NCOR2: variants seen among roughly 807,000 people sequenced by gnomAD.
NCOR2 encodes nuclear receptor corepressor 2.
Under a neutral mutation model 262.9 loss-of-function variants are expected in NCOR2, and 81 were observed. The observed-to-expected ratio is 0.31, with a 90% CI of 0.26 to 0.37. The LOEUF (loss-of-function observed/expected upper bound fraction) is 0.37. Among genes scored for constraint, NCOR2 ranks in the 10% least tolerant of loss-of-function variants. The pLI, the probability that NCOR2 is intolerant of heterozygous loss-of-function variation, is 1.00. For missense variants in NCOR2, 3,385 were observed against 3,621.4 expected (o/e 0.93, Z 1.68); for synonymous variants, 1,659 against 1,559.3 (o/e 1.06, Z -1.51).
At chr12:124,333,853 T>C (rs1360194785) in intron 41 of NCOR2, among the ~76,000 whole-genome samples, 5 of 75,032 alleles carry the variant, frequency 6.7e-5, no homozygotes, top group Admixed American at 2.6e-4. Flanking sequence ...TGTGCGGGTG[T>C]GCATGTGTGT....
intron 20 of NCOR2, among the ~76,000 whole-genome samples, chr12:124,368,233 C>T (rs945290433): frequency 6.6e-6 from 1 of 152,226 alleles, no homozygotes; most frequent in Non-Finnish European, 1.5e-5. Flanking sequence ...GCCACCTTCT[C>T]CTCACTGTCA....
At chr12:124,522,103 C>G (rs2050221505) in intron 1 of NCOR2, among the ~76,000 whole-genome samples, 1 of 152,204 alleles carries the variant, frequency 6.6e-6, no homozygotes, top group African/African-American at 2.4e-5. Flanking sequence ...AAGCTGGGTC[C>G]AACTCCCAGC....
chr12:124,377,324 C>T (rs375002217), intron 18 of NCOR2, among the ~76,000 whole-genome samples: 1 of 152,156 alleles, frequency 6.6e-6, no homozygotes, highest in African/African-American at 2.4e-5. Context: ...CTCCGTGGTA[C>T]CTGGGGCGCC....
intron 6 of NCOR2, among the ~76,000 whole-genome samples, chr12:124,456,272 G>A (rs1223534390): frequency 1.3e-5 from 2 of 152,224 alleles, no homozygotes; most frequent in Non-Finnish European, 1.5e-5. Flanking sequence ...ACACATGTGG[G>A]TAGCATATAC....
chr12:124,449,788 T>C (rs1471629939), intron 7 of NCOR2, 27 bp downstream of exon 9: 20 of 1,613,184 alleles, frequency 1.2e-5, no homozygotes, highest in Non-Finnish European at 1.7e-5. Flanking sequence ...CCTCTGTGTG[T>C]CTGCACGGCT....
At chr12:124,433,196 C>T (rs1327865075) in intron 8 of NCOR2, among the ~76,000 whole-genome samples, 1 of 152,190 alleles carries the variant, frequency 6.6e-6, no homozygotes, top group Non-Finnish European at 1.5e-5. Flanking sequence ...GTGCCAGGAA[C>T]GCGCTGGAGA....
chr12:124,408,927 T>A (rs932758769), intron 13 of NCOR2, among the ~76,000 whole-genome samples: 8 of 152,122 alleles, frequency 5.3e-5, no homozygotes, highest in Non-Finnish European at 1.0e-4. Flanking sequence ...GCTAGGGGCA[T>A]CTTTCCCCAG....
chr12:124,512,033 T>G (rs924778607), intron 1 of NCOR2, among the ~76,000 whole-genome samples: 1 of 152,224 alleles, frequency 6.6e-6, no homozygotes, highest in African/African-American at 2.4e-5. Context: ...TTGATCCTCC[T>G]GCCTCAGCGT....
At chr12:124,555,291 G>GC (rs1431771906) in intron 1 of NCOR2, among the ~76,000 whole-genome samples, 3 of 152,130 alleles carry the variant, frequency 2.0e-5, no homozygotes, top group African/African-American at 7.2e-5. Flanking sequence ...ACACCAGACA[G>GC]CAACGCTGGG....
intron 1 of NCOR2, among the ~76,000 whole-genome samples, chr12:124,528,962 C>T (rs2050629996): frequency 1.3e-5 from 2 of 152,136 alleles, no homozygotes; most frequent in Admixed American, 1.3e-4. Flanking sequence ...GGCAGATCAC[C>T]TGAGGTCGGG....
intron 3 of NCOR2, among the ~76,000 whole-genome samples, chr12:124,477,459 C>A (rs1011505259): frequency 3.9e-5 from 6 of 152,186 alleles, no homozygotes; most frequent in Non-Finnish European, 8.8e-5. Context: ...TCTTTATTAG[C>A]GGTGTAAGAA....
intron 18 of NCOR2, among the ~76,000 whole-genome samples, chr12:124,376,684 C>T (rs2040026299): frequency 6.6e-6 from 1 of 152,204 alleles, no homozygotes; most frequent in Non-Finnish European, 1.5e-5. Flanking sequence ...GGGATTCGGG[C>T]TGGTGAAACC....
intron 43 of NCOR2, chr12:124,332,092 C>T: frequency 1.8e-6 from 1 of 564,852 alleles, no homozygotes; most frequent in Non-Finnish European, 3.1e-6. Context: ...GTGCTGGGTG[C>T]TATTCTTCTG....
chr12:124,509,418 G>A (rs2049265571), intron 1 of NCOR2, among the ~76,000 whole-genome samples: 1 of 152,244 alleles, frequency 6.6e-6, no homozygotes, highest in East Asian at 1.9e-4. Flanking sequence ...TGTGCCTGAA[G>A]CTTCTCTGAG....
intron 20 of NCOR2, among the ~76,000 whole-genome samples, chr12:124,368,412 C>T (rs2039211590): frequency 1.3e-5 from 2 of 152,170 alleles, no homozygotes; most frequent in Non-Finnish European, 2.9e-5. Flanking sequence ...TCCTTGCCAC[C>T]ATCCTAGGGC....
At chr12:124,524,936 ACGT>A (rs1446266311) in intron 1 of NCOR2, among the ~76,000 whole-genome samples, 9 of 152,238 alleles carry the variant, frequency 5.9e-5, no homozygotes, top group Non-Finnish European at 8.8e-5. Flanking sequence ...CATCCCAGTG[ACGT>A]ACATGAGTCC....
chr12:124,338,015 G>A (rs1204019793), intron 37 of NCOR2, among the ~76,000 whole-genome samples: 1 of 152,260 alleles, frequency 6.6e-6, no homozygotes, highest in Non-Finnish European at 1.5e-5. Context: ...GCTCCCCACA[G>A]CCAGGGATTA....
chr12:124,530,761 C>A (rs755545194), intron 1 of NCOR2, among the ~76,000 whole-genome samples: 1 of 152,232 alleles, frequency 6.6e-6, no homozygotes, highest in Non-Finnish European at 1.5e-5. Flanking sequence ...AAATACCACA[C>A]TCCTCAGAAA....
intron 6 of NCOR2, among the ~76,000 whole-genome samples, 190 bp downstream of exon 8, chr12:124,456,916 C>T (rs2045901410): frequency 1.3e-5 from 2 of 149,504 alleles, no homozygotes; most frequent in African/African-American, 4.9e-5. Context: ...CCAGCCCAGC[C>T]AGGCCCGCCC....
Sources: gnomAD v4.1 joint callset for allele counts (sites outside exome capture counted in the v4.1 genomes callset) on GRCh38, gnomAD v4.1.1 for gene constraint, MANE v1.5 for transcripts, NCBI Gene and HGNC (gene_info 2026-07-23, HGNC 2026-07-21) for gene names.